Variants in MYPN observed in about 807,000 individuals in gnomAD.
MYPN encodes myopalladin, also known as sarcomeric protein myopalladin, 145 kDa (MYOP).
In MYPN, 63 loss-of-function variants were observed where a neutral mutation model predicts 129.4. The ratio of observed to expected loss-of-function variants is 0.49; its 90% CI spans 0.40 to 0.60. The LOEUF is 0.60. Among genes scored for constraint, MYPN ranks in the 20% least tolerant of loss-of-function variants. The pLI, the probability that MYPN is intolerant of heterozygous loss-of-function variation, is 0.00. For synonymous variants in MYPN, 629 were observed against 600.9 expected, an observed-to-expected ratio of 1.05 and a Z score of -0.68; for missense variants, 1,596 against 1,635.4, an observed-to-expected ratio of 0.98 and a Z score of 0.42.
intron 12 of MYPN, among the ~76,000 whole-genome samples, chr10:68,183,932 G>A (rs900459292): frequency 1.3e-5 from 2 of 152,038 alleles, no homozygotes; most frequent in African/African-American, 4.8e-5. Flanking sequence ...CAAGATGGGA[G>A]GACTGCTTGA....
Position 68,161,732 on chromosome 10 carries a change from C to G in MYPN, c.1463C>G (p.Pro488Arg). 6.2e-7 allele frequency: 1 copy of G among 1,610,908 alleles called. No homozygotes were observed. Residue 488 changes from proline to arginine, a missense_variant, in exon 8 of 20, where the codon CCT (proline) becomes CGT (arginine). Physicochemically the swap from Pro to Arg is moderately radical, Grantham distance 103 (BLOSUM62 -2). Transcript: ENST00000358913. ...CTTTTACTTTCTTTTCTTTTAGAAC[C>G]TCGATCCATGGCAGAGCCAGGTAAA... ...SPDFRILQKK[P>R]RSMAEPEEIC... is the part of the protein sequence containing the mutation.
chr10:68,150,717 G>A (rs1350934687), intron 6 of MYPN, among the ~76,000 whole-genome samples: 4 of 152,164 alleles, frequency 2.6e-5, no homozygotes, highest in African/African-American at 4.8e-5. Flanking sequence ...GTTAGTGGCA[G>A]AATCAGGACT....
At chr10:68,091,204 A>C (rs2041929717) in intron 1 of MYPN, among the ~76,000 whole-genome samples, 3 of 152,058 alleles carry the variant, frequency 2.0e-5, no homozygotes, top group Admixed American at 2.0e-4. Flanking sequence ...TCTTGTGAGC[A>C]TTGGCCTGGG....
intron 12 of MYPN, among the ~76,000 whole-genome samples, chr10:68,175,712 G>C (rs1029736573): frequency 2.6e-4 from 39 of 152,228 alleles, no homozygotes; most frequent in African/African-American, 8.2e-4. Context: ...TTAAAGAAGA[G>C]AGTAGACAAT....
chr10:68,201,744 A>G lies in MYPN; in HGVS notation c.3494-85A>G, dbSNP rs7913146. 1,472,896 of 1,487,942 alleles carry G rather than the reference A, an allele frequency of 0.99. 730,202 individuals carry two copies. Among genetic ancestry groups the G allele is most frequent in the East Asian group, 1 (42,013 of 42,014 alleles). 92.2% of individuals were successfully genotyped at this position (1,487,942 alleles called of 1,614,324 possible). On this transcript the variant is annotated intron_variant, in intron 17 of 19. Transcript: ENST00000358913. The stretch of plus-strand genomic sequence containing the variant: ...TGCAGTGAGCTGAGATCTTGCCACC[A>G]CACTCCAGCCTGGGTGACAGAGCAA...
chr10:68,097,851 C>T (rs1289999404), intron 1 of MYPN, among the ~76,000 whole-genome samples: 1 of 151,530 alleles, frequency 6.6e-6, no homozygotes, highest in East Asian at 1.9e-4. Flanking sequence ...GTTCATCTTT[C>T]AGTACTAGTT....
chr10:68,202,880 TG>T (rs2043742356), intron 18 of MYPN, among the ~76,000 whole-genome samples: 1 of 152,000 alleles, frequency 6.6e-6, no homozygotes, highest in Non-Finnish European at 1.5e-5. Context: ...TGTGGGGGTG[TG>T]GGGGTGTGCA....
intron 5 of MYPN, 24 bp from the exon 6 acceptor site, chr10:68,150,016 T>C: frequency 6.3e-7 from 1 of 1,598,918 alleles, no homozygotes; most frequent in Non-Finnish European, 8.6e-7. Context: ...AACAATGAAT[T>C]TACTGTTGCT....
intron 10 of MYPN, 75 bp from the exon 11 acceptor site, chr10:68,173,991 T>C: frequency 8.2e-7 from 1 of 1,214,166 alleles, no homozygotes; most frequent in South Asian, 1.2e-5. Context: ...AAACAGTCTG[T>C]CTGAACATTG....
chr10:68,150,144 T>G, intron 6 of MYPN, 33 bp downstream of exon 6: 1 of 1,542,902 alleles, frequency 6.5e-7, no homozygotes, highest in East Asian at 2.2e-5. Flanking sequence ...CTGTCATGGC[T>G]TTAAAGATAC....
At chr10:68,204,089 A>G (rs906225640) in intron 18 of MYPN, among the ~76,000 whole-genome samples, 3 of 152,194 alleles carry the variant, frequency 2.0e-5, no homozygotes, top group African/African-American at 7.2e-5. Context: ...AGCTTGGTCC[A>G]GGACTGAGTT....
At position 68,127,590 on chromosome 10, in the gene MYPN, C is replaced by T. The variant is rs537807669; in HGVS notation, c.902+5250C>T. 1.7e-3 allele frequency among the ~76,000 whole-genome samples: 256 copies of T among 152,006 alleles called. 1 individual carries two copies. The Middle Eastern group carries it at 0.02, about 12-fold the overall frequency. On this transcript the variant is annotated intron_variant, in intron 2 of 19. Transcript: ENST00000358913. ...CCTCATGATCTGCCTGCCTCGGCCTCCCAAAGTGCTGGGATTACAGGTGTG... is the reference window on the plus strand; with the variant it reads ...CCTCATGATCTGCCTGCCTCGGCCTTCCAAAGTGCTGGGATTACAGGTGTG...
intron 19 of MYPN, among the ~76,000 whole-genome samples, chr10:68,208,800 C>T (rs1302011903): frequency 6.6e-6 from 1 of 152,122 alleles, no homozygotes; most frequent in Non-Finnish European, 1.5e-5. Context: ...CACCACACTT[C>T]CTGCCTTTCT....
At chr10:68,117,755 GC>G (rs2042179161) in intron 1 of MYPN, among the ~76,000 whole-genome samples, 1 of 151,578 alleles carries the variant, frequency 6.6e-6, no homozygotes, top group Non-Finnish European at 1.5e-5. Context: ...TAAAATGGAG[GC>G]CATGATACAT....
intron 18 of MYPN, among the ~76,000 whole-genome samples, chr10:68,203,720 C>CACAGAGAGAGAG (rs1554851560): frequency 1.6e-4 from 19 of 115,658 alleles, no homozygotes; most frequent in African/African-American, 2.3e-4. Flanking sequence ...CATACACACA[C>CACAGAGAGAGAG]AGAGAGAGAG....
At chr10:68,119,170 T>C (rs1468449272) in intron 1 of MYPN, among the ~76,000 whole-genome samples, 1 of 152,146 alleles carries the variant, frequency 6.6e-6, no homozygotes, top group Non-Finnish European at 1.5e-5. Context: ...ATGAGAAAGA[T>C]TTTCAATTGG....
rs545319125 is a variant in MYPN at position 68,174,294 on chromosome 10, A to G, written c.2202A>G (p.Ala734=). The G allele has an allele frequency of 1.9e-6, 3 of 1,614,132 alleles. No homozygotes were observed. In the African/African-American group the frequency reaches 4.0e-5, roughly 22 times the overall value. The part of the protein sequence containing the change: ...KYFFPSTNTT[A]ATVAPSSSPV... ...TCTTCCCCTCCACGAACACCACCGC[A>G]GCAACTGTGGCCCCTTCCAGCTCTC... The change falls in exon 11 of 20, where the codon GCA becomes GCG. Residue 734 remains alanine, a synonymous_variant. Transcript: ENST00000358913.
chr10:68,136,900 T>G (rs1002836711), intron 2 of MYPN, among the ~76,000 whole-genome samples: 2 of 152,220 alleles, frequency 1.3e-5, no homozygotes, highest in Non-Finnish European at 2.9e-5. Context: ...CAACTCTTTT[T>G]TGCAATTTTC....
At chr10:68,144,717 G>A (rs2042633733) in intron 3 of MYPN, among the ~76,000 whole-genome samples, 1 of 152,004 alleles carries the variant, frequency 6.6e-6, no homozygotes, top group Non-Finnish European at 1.5e-5. Context: ...TTAATATTAG[G>A]ACTGGACGGA....
Sources: allele counts gnomAD v4.1 joint callset (sites outside exome capture counted in the v4.1 genomes callset), GRCh38; gene constraint gnomAD v4.1.1; transcripts MANE v1.5; gene names NCBI Gene and HGNC (gene_info 2026-07-23, HGNC 2026-07-21).